CLIC5: variants seen among roughly 807,000 people sequenced by gnomAD.
The protein encoded by CLIC5 is chloride intracellular channel protein 5.
Under a neutral mutation model 24.7 loss-of-function variants are expected in CLIC5, and 20 were observed. The observed-to-expected ratio is 0.81, with a 90% CI of 0.57 to 1.18. The LOEUF is 1.18. Ranked by LOEUF, CLIC5 falls within the 50% of genes most tolerant of loss-of-function variation. The pLI, the probability that CLIC5 is intolerant of heterozygous loss-of-function variation, is 0.00. For synonymous variants in CLIC5, 159 were observed against 135.6 expected, an observed-to-expected ratio of 1.17 and a Z score of -1.20; for missense variants, 341 against 326.1, an observed-to-expected ratio of 1.05 and a Z score of -0.35.
At chr6:46,038,882 A>G (rs1164812562) in intron 1 of CLIC5, among the ~76,000 whole-genome samples, 1 of 152,256 alleles carries the variant, frequency 6.6e-6, no homozygotes, top group Non-Finnish European at 1.5e-5. Context: ...TGAGTTGGGA[A>G]AAGATAAATT....
At chr6:45,908,411 T>C (rs1211625527) in intron 5 of CLIC5, among the ~76,000 whole-genome samples, 1 of 152,180 alleles carries the variant, frequency 6.6e-6, no homozygotes, top group African/African-American at 2.4e-5. Flanking sequence ...AGGCATTTCG[T>C]GCTATAAACT....
chr6:45,990,648 A>C (rs1417109400), intron 1 of CLIC5, among the ~76,000 whole-genome samples: 1 of 152,262 alleles, frequency 6.6e-6, no homozygotes, highest in African/African-American at 2.4e-5. Context: ...CTGCCTTACA[A>C]AATATACTGA....
chr6:46,106,781 G>T, the CLIC5 span, among the ~76,000 whole-genome samples: 744 of 152,246 alleles, frequency 4.9e-3, 2 homozygotes, highest in African/African-American at 0.016. Flanking sequence ...CTTTCTCTGT[G>T]CTTTGAGATG....
intron 4 of CLIC5, among the ~76,000 whole-genome samples, chr6:45,935,481 G>A (rs1262376670): frequency 6.6e-6 from 1 of 152,204 alleles, no homozygotes; most frequent in Non-Finnish European, 1.5e-5. Flanking sequence ...AAGGGGCATG[G>A]ATGACACTGT....
upstream of CLIC5, among the ~76,000 whole-genome samples, chr6:46,081,369 CTG>C (rs1462488601): frequency 3.3e-5 from 5 of 152,198 alleles, no homozygotes; most frequent in Non-Finnish European, 5.9e-5. Context: ...CATGTGAAAA[CTG>C]TGAAGCAATG....
chr6:46,068,737 T>G (rs1055329510), intron 1 of CLIC5, among the ~76,000 whole-genome samples: 1 of 151,880 alleles, frequency 6.6e-6, no homozygotes, highest in Non-Finnish European at 1.5e-5. Flanking sequence ...AAGAGAAGAT[T>G]AGGACACAAA....
rs534506309 is a variant in CLIC5, at chr6:45,908,376, T to C, written c.589-5121A>G. 1.3e-3 allele frequency among the ~76,000 whole-genome samples: 193 copies of C among 152,310 alleles called. 1 individual carries two copies. Among genetic ancestry groups the C allele is most frequent in the Middle Eastern group, 6.8e-3 (2 of 294 alleles). On this transcript the variant is annotated intron_variant, in intron 5 of 5. Coordinates refer to ENST00000339561, the MANE Select transcript of CLIC5 (RefSeq NM_016929.5). ...TAGGTGTGATGTTACTTTGTCAATT[T>C]GAGATCTTTCTAACTTTTTGAGGTA...
chr6:46,116,497 A>G, the CLIC5 span, among the ~76,000 whole-genome samples: 25 of 152,292 alleles, frequency 1.6e-4, no homozygotes, highest in South Asian at 1.9e-3. Flanking sequence ...GGCCCTGTTA[A>G]GTACATATCT....
chr6:45,905,579 G>T (rs139486229), intron 5 of CLIC5, among the ~76,000 whole-genome samples: 2 of 143,270 alleles, frequency 1.4e-5, no homozygotes, highest in East Asian at 4.2e-4. Flanking sequence ...GGTATTATTT[G>T]TTTTTTTCTT....
chr6:46,057,290 G>T (rs925462643), intron 1 of CLIC5, among the ~76,000 whole-genome samples: 14 of 152,186 alleles, frequency 9.2e-5, no homozygotes, highest in Non-Finnish European at 1.8e-4. Flanking sequence ...TCATGACAGT[G>T]AATAAGTCTC....
intron 4 of CLIC5, among the ~76,000 whole-genome samples, chr6:45,926,228 C>CGT (rs1763480790): frequency 1.4e-5 from 2 of 144,070 alleles, no homozygotes; most frequent in Non-Finnish European, 3.0e-5. Flanking sequence ...CATACATATA[C>CGT]ATATATATAT....
chr6:45,946,161 G>C (rs1456040292), intron 3 of CLIC5, among the ~76,000 whole-genome samples: 1 of 152,244 alleles, frequency 6.6e-6, no homozygotes, highest in Admixed American at 6.5e-5. Flanking sequence ...CTCATAGAGA[G>C]GTGGCCAGAG....
At chr6:46,092,108 C>G in the CLIC5 span, among the ~76,000 whole-genome samples, 1 of 152,166 alleles carries the variant, frequency 6.6e-6, no homozygotes, top group Admixed American at 6.5e-5. Flanking sequence ...TCAATCTTCA[C>G]AACTACTCTA....
At chr6:46,016,690 C>T (rs564411170), upstream of CLIC5, among the ~76,000 whole-genome samples, 2 of 152,140 alleles carry the variant, frequency 1.3e-5, no homozygotes, top group African/African-American at 4.8e-5. Flanking sequence ...ATGTAACGAG[C>T]GCCAGATGAA....
At chr6:45,961,339 C>G (rs772281671) in intron 1 of CLIC5, among the ~76,000 whole-genome samples, 1 of 152,192 alleles carries the variant, frequency 6.6e-6, no homozygotes, top group Non-Finnish European at 1.5e-5. Flanking sequence ...ATGCTATACT[C>G]CAGTTCTTTC....
intron 1 of CLIC5, among the ~76,000 whole-genome samples, chr6:45,970,604 C>T (rs1224874214): frequency 6.6e-6 from 1 of 152,188 alleles, no homozygotes; most frequent in Non-Finnish European, 1.5e-5. Flanking sequence ...CAGGAAGCCA[C>T]AACCTGAGAT....
intron 1 of CLIC5, among the ~76,000 whole-genome samples, chr6:46,032,145 C>T (rs545740274): frequency 1.8e-4 from 28 of 152,130 alleles, no homozygotes; most frequent in African/African-American, 6.5e-4. Context: ...GAGAAGGCCT[C>T]AGGAAACTTA....
At chr6:45,983,813 T>C (rs1191911019) in intron 1 of CLIC5, among the ~76,000 whole-genome samples, 9 of 152,218 alleles carry the variant, frequency 5.9e-5, no homozygotes. Flanking sequence ...TTTATACCCT[T>C]CTCCCATTTA....
intron 1 of CLIC5, among the ~76,000 whole-genome samples, chr6:46,041,619 A>G (rs1767811535): frequency 6.6e-6 from 1 of 152,252 alleles, no homozygotes; most frequent in South Asian, 2.1e-4. Flanking sequence ...GGTCATAAAA[A>G]GCCCAGTGGT....
Sources: allele counts gnomAD v4.1 joint callset (sites outside exome capture counted in the v4.1 genomes callset), GRCh38; gene constraint gnomAD v4.1.1; transcripts MANE v1.5; gene names NCBI Gene and HGNC (gene_info 2026-07-23, HGNC 2026-07-21).